TBL1XR1: variants seen among roughly 807,000 people sequenced by gnomAD.
TBL1XR1 encodes TBL1X/Y related 1.
Under a neutral mutation model 66.9 loss-of-function variants are expected in TBL1XR1, and 5 were observed. The observed-to-expected ratio is 0.07, with a 90% CI of 0.04 to 0.16. The LOEUF (loss-of-function observed/expected upper bound fraction) is 0.16. Among genes scored for constraint, TBL1XR1 ranks in the 10% least tolerant of loss-of-function variants. The pLI is 1.00. For synonymous variants in TBL1XR1, 210 were observed against 206.0 expected (o/e 1.02, Z -0.17); for missense variants, 238 against 623.2 (o/e 0.38, Z 6.58).
intron 1 of TBL1XR1, among the ~76,000 whole-genome samples, chr3:177,103,205 C>T (rs941128028): frequency 6.6e-6 from 1 of 152,262 alleles, no homozygotes; most frequent in African/African-American, 2.4e-5. Flanking sequence ...ACTTTAACAC[C>T]ACTTCCAGAA....
chr3:177,100,270 AAGAT>A (rs767439297), intron 1 of TBL1XR1, among the ~76,000 whole-genome samples: 8 of 152,182 alleles, frequency 5.3e-5, no homozygotes, highest in Admixed American at 6.5e-5. Context: ...ACATAAGTAA[AAGAT>A]AGATAAATTA....
intron 2 of TBL1XR1, among the ~76,000 whole-genome samples, chr3:177,085,592 T>A (rs1327523412): frequency 4.6e-5 from 7 of 152,130 alleles, no homozygotes; most frequent in Admixed American, 3.9e-4. Flanking sequence ...AAAAAAAGTT[T>A]TCAAATGAAA....
intron 1 of TBL1XR1, among the ~76,000 whole-genome samples, chr3:177,128,230 A>AC (rs1727876123): frequency 1.3e-5 from 2 of 151,990 alleles, no homozygotes; most frequent in South Asian, 4.2e-4. Flanking sequence ...GGAAAAAAAG[A>AC]CAAAAAAAAA....
rs1350323152 is a variant in TBL1XR1 at position 177,021,498 on chromosome 3, G to A, written c.*4000C>T. 2.0e-5 allele frequency: 3 copies of A among 152,444 alleles called. No individual in the cohort carries two copies. Among genetic ancestry groups the A allele is most frequent in the Non-Finnish European group, 4.4e-5 (3 of 67,950 alleles). The allele number at this position is 152,444 out of a possible 1,614,324, so 9.4% of individuals were successfully genotyped here. ...TAAGACATCAAATTTCTAAATCAGT[G>A]TATTAAAAAAGTGAACACTTCCTCT... On this transcript the variant is annotated 3_prime_UTR_variant, in exon 16 of 16. Transcript: ENST00000457928.
intron 10 of TBL1XR1, among the ~76,000 whole-genome samples, chr3:177,044,031 GCT>G (rs954792834): frequency 1.8e-4 from 28 of 152,062 alleles, no homozygotes; most frequent in South Asian, 2.1e-4. Context: ...ACTCACTGAT[GCT>G]CTGTCACCAC....
upstream of TBL1XR1, among the ~76,000 whole-genome samples, chr3:177,198,119 T>A (rs1737165802): frequency 6.6e-6 from 1 of 152,244 alleles, no homozygotes; most frequent in South Asian, 2.1e-4. Context: ...TTTGTGTGCG[T>A]AAATACATAT....
chr3:177,025,795 G>T (rs1713030828), intron 15 of TBL1XR1, among the ~76,000 whole-genome samples: 1 of 152,120 alleles, frequency 6.6e-6, no homozygotes, highest in African/African-American at 2.4e-5. Context: ...GGGGGAAAAT[G>T]CTCAAAACAG....
chr3:177,102,671 C>A (rs1724373797), intron 1 of TBL1XR1, among the ~76,000 whole-genome samples: 1 of 152,214 alleles, frequency 6.6e-6, no homozygotes, highest in Admixed American at 6.5e-5. Flanking sequence ...TCTCTACTCT[C>A]ACCACAGCAG....
intron 1 of TBL1XR1, among the ~76,000 whole-genome samples, chr3:177,161,297 T>G (rs1160265835): frequency 1.3e-5 from 2 of 152,208 alleles, no homozygotes; most frequent in African/African-American, 2.4e-5. Context: ...TGCTACCCCT[T>G]AAGTTCTCTT....
At chr3:177,132,357 CTTAGCTCCTTCAGG>C (rs1212163481) in intron 1 of TBL1XR1, among the ~76,000 whole-genome samples, 1 of 152,224 alleles carries the variant, frequency 6.6e-6, no homozygotes, top group Non-Finnish European at 1.5e-5. Flanking sequence ...GAACCTCACA[CTTAGCTCCTTCAGG>C]TCCACTGATG....
intron 2 of TBL1XR1, among the ~76,000 whole-genome samples, chr3:177,076,459 T>A (rs1256703590): frequency 6.6e-6 from 1 of 152,214 alleles, no homozygotes; most frequent in Admixed American, 6.5e-5. Context: ...TTAACTTAAG[T>A]ATCTCTATAA....
chr3:177,053,640 T>G (rs1280380489), intron 4 of TBL1XR1, 133 bp downstream of exon 4: 1 of 822,918 alleles, frequency 1.2e-6, no homozygotes, highest in African/African-American at 1.7e-5. Context: ...ACTACCACAT[T>G]AGGGATGAAC....
intron 2 of TBL1XR1, among the ~76,000 whole-genome samples, chr3:177,080,523 T>A (rs1721264951): frequency 1.3e-5 from 2 of 152,184 alleles, no homozygotes; most frequent in South Asian, 4.1e-4. Context: ...TATCCTTCTG[T>A]GTTAATGAGC....
At chr3:177,196,558 T>TCGCCGCGCCCGGGCCGGGGA (rs1244970252) in intron 1 of TBL1XR1, 1 of 145,092 alleles carries the variant, frequency 6.9e-6, no homozygotes, top group Non-Finnish European at 1.5e-5. Context: ...CCGGCCGGGG[T>TCGCCGCGCCCGGGCCGGGGA]CGCCGCGCCC....
chr3:177,048,299 A>C (rs957101830), intron 7 of TBL1XR1, among the ~76,000 whole-genome samples: 9 of 152,226 alleles, frequency 5.9e-5, no homozygotes, highest in Non-Finnish European at 1.2e-4. Flanking sequence ...TACTCTATGC[A>C]AACACAGAAG....
intron 14 of TBL1XR1, among the ~76,000 whole-genome samples, chr3:177,030,118 G>GTATA (rs1197033329): frequency 6.9e-5 from 10 of 145,044 alleles, no homozygotes; most frequent in African/African-American, 2.5e-4. Context: ...GTGTGTGTGT[G>GTATA]TGTATATATA....
chr3:177,082,738 TTATATATATATATATATATATATATA>T (rs374510003), intron 2 of TBL1XR1, among the ~76,000 whole-genome samples: 1 of 63,234 alleles, frequency 1.6e-5, no homozygotes, highest in Non-Finnish European at 3.0e-5. Flanking sequence ...AAGATAGAGA[TTATATATATATATATATATATATATA>T]TATGAATATG....
upstream of TBL1XR1, among the ~76,000 whole-genome samples, chr3:177,199,952 G>A (rs1409557365): frequency 3.3e-5 from 5 of 152,014 alleles, no homozygotes; most frequent in African/African-American, 9.7e-5. Flanking sequence ...CATACTAATT[G>A]AAGAGAGAGG....
chr3:177,037,584 A>C (rs888796401), intron 12 of TBL1XR1: 1 of 153,128 alleles, frequency 6.5e-6, no homozygotes, highest in African/African-American at 2.4e-5. Context: ...TCTCTGCCTC[A>C]GCCTGACTGC....
Sources: gnomAD v4.1 joint callset for allele counts (sites outside exome capture counted in the v4.1 genomes callset) on GRCh38, gnomAD v4.1.1 for gene constraint, MANE v1.5 for transcripts, NCBI Gene and HGNC (gene_info 2026-07-23, HGNC 2026-07-21) for gene names.